Variants in MBP observed in about 807,000 individuals in gnomAD.
The protein encoded by MBP is myelin basic protein, also known as Golli-MBP.
MBP carries 16 observed loss-of-function variants against 35.8 expected under a neutral mutation model. The observed-to-expected ratio is 0.45, with a 90% confidence interval of 0.30 to 0.68. The LOEUF (loss-of-function observed/expected upper bound fraction) is 0.68. Ranked by LOEUF, MBP falls within the 30% of genes least tolerant of loss-of-function variation. The probability of loss-of-function intolerance (pLI) is 0.08; values close to 1 mark genes in which losing one functional copy is unlikely to be tolerated. For missense variants in MBP, 380 were observed against 404.7 expected, an observed-to-expected ratio of 0.94 and a Z score of 0.52; for synonymous variants, 143 against 159.6, an observed-to-expected ratio of 0.90 and a Z score of 0.78.
chr18:77,064,210 A>G (rs2144790049), intron 3 of MBP, among the ~76,000 whole-genome samples: 2 of 152,356 alleles, frequency 1.3e-5, no homozygotes, highest in Middle Eastern at 6.8e-3. Context: ...TCTTAAAACC[A>G]TCAAGGCTGG....
chr18:77,029,533 C>G (rs1396525887), intron 3 of MBP, among the ~76,000 whole-genome samples: 1 of 151,830 alleles, frequency 6.6e-6, no homozygotes, highest in Non-Finnish European at 1.5e-5. Flanking sequence ...CCAGACTTGT[C>G]TCAAACTCCA....
intron 3 of MBP, among the ~76,000 whole-genome samples, chr18:77,018,292 T>TCATC: frequency 1.3e-5 from 1 of 75,002 alleles, no homozygotes; most frequent in South Asian, 5.1e-4. Context: ...ATCCATCCAC[T>TCATC]CATGCATCCA....
At chr18:77,072,570 A>G (rs1027797028) in intron 2 of MBP, among the ~76,000 whole-genome samples, 1 of 152,260 alleles carries the variant, frequency 6.6e-6, no homozygotes, top group Admixed American at 6.5e-5. Context: ...AGAGCATTCA[A>G]TAAGTGGAAA....
chr18:77,118,169 T>G (rs1452471961), intron 1 of MBP, among the ~76,000 whole-genome samples: 67 of 38,092 alleles, frequency 1.8e-3, no homozygotes, highest in African/African-American at 7.4e-3. Flanking sequence ...ATGGGGACAG[T>G]GGGTTGGGGT....
chr18:77,112,133 G>A (rs904233521), intron 1 of MBP, among the ~76,000 whole-genome samples: 5 of 149,628 alleles, frequency 3.3e-5, no homozygotes, highest in African/African-American at 9.9e-5. Context: ...AGCTACCAAC[G>A]TCACCAAAAA....
chr18:77,086,256 C>T (rs191277556), intron 2 of MBP, among the ~76,000 whole-genome samples: 84 of 152,336 alleles, frequency 5.5e-4, no homozygotes, highest in Admixed American at 1.8e-3. Context: ...TGTTCCTACC[C>T]ATTCAAGAGC....
chr18:77,100,816 G>A (rs1975978041), intron 2 of MBP, among the ~76,000 whole-genome samples: 1 of 152,080 alleles, frequency 6.6e-6, no homozygotes, highest in South Asian at 2.1e-4. Flanking sequence ...GCCTCCCGCA[G>A]TGCTGGGATT....
At chr18:77,099,531 T>C (rs1479544734) in intron 2 of MBP, among the ~76,000 whole-genome samples, 3 of 152,254 alleles carry the variant, frequency 2.0e-5, no homozygotes, top group African/African-American at 7.2e-5. Flanking sequence ...TCATTTCCTG[T>C]GGCCACGAGA....
At position 76,988,657 on chromosome 18, in the gene MBP, G is replaced by A; in HGVS notation, c.718-130C>T. ...AAACAGGTTCCACCCGGAGCTCCGA[G>A]GGGGGCCGCAGGCTCAGGGCCACAG... On this transcript the variant is annotated intron_variant, in intron 6 of 8. Coordinates refer to ENST00000355994, the MANE Select transcript of MBP (RefSeq NM_001025101.2). This position sits in a 1 kb window ranked among gnomAD's most constrained non-coding sequence, Gnocchi z 5.2. 6.7e-7 allele frequency: 1 copy of A among 1,495,170 alleles called. No homozygotes were observed. The highest frequency in any genetic ancestry group is 8.9e-7 in the Non-Finnish European group (1 of 1,121,616). The allele number at this position is 1,495,170 out of a possible 1,614,324, so 92.6% of individuals were successfully genotyped here. A position where few individuals can be genotyped will look rare whatever the true frequency, so the allele number is the denominator to read the frequency against.
At chr18:77,121,431 C>A (rs1471671667) in intron 1 of MBP, among the ~76,000 whole-genome samples, 3 of 152,124 alleles carry the variant, frequency 2.0e-5, no homozygotes, top group African/African-American at 7.2e-5. Context: ...AGGCTTTAAC[C>A]CTGGCATTTC....
In MBP at chr18:77,101,223, G is replaced by A. The variant is rs1020701091; in HGVS notation, c.51+3988C>T. Among the ~76,000 whole-genome samples, 1 of 152,214 alleles carries A rather than the reference G, an allele frequency of 6.6e-6. No individual in the cohort carries two copies. Among genetic ancestry groups the A allele is most frequent in the African/African-American group, 2.4e-5 (1 of 41,448 alleles). ...TCCTGGCATTGAGGCACGTCCCTGG[G>A]TTCTCCAGGGCAGCTGGCACCCTTT... is the stretch of plus-strand genomic sequence containing the variant. On this transcript the variant is annotated intron_variant, in intron 2 of 8. Coordinates refer to ENST00000355994, the MANE Select transcript of MBP (RefSeq NM_001025101.2). The surrounding 1 kb of genome is among the most constrained non-coding windows in gnomAD (Gnocchi z 4.3).
At position 77,081,861 on chromosome 18, in the gene MBP, T is replaced by A. The variant is rs1476877499; in HGVS notation, c.52-15476A>T. On this transcript the variant is annotated intron_variant, in intron 2 of 8. Transcript: ENST00000355994. ...ACACACATATATATATATATATTTT[T>A]TTTTTTTTGAGACGGAGTCTCGCTC... Among the ~76,000 whole-genome samples, 244 of 13,374 alleles carry A rather than the reference T, an allele frequency of 0.018. 1 individual carries two copies. The East Asian group carries it at 0.27, about 15-fold the overall frequency. The allele number at this position is 13,374 out of a possible 152,430, so 8.8% of individuals were successfully genotyped here.
At chr18:77,009,617 C>T (rs142422564) in intron 4 of MBP, among the ~76,000 whole-genome samples, 27 of 152,352 alleles carry the variant, frequency 1.8e-4, no homozygotes, top group African/African-American at 5.8e-4. Context: ...GGATTCCCTC[C>T]AAGGATTCAA....
chr18:77,107,314 C>T (rs1976310578), intron 1 of MBP, among the ~76,000 whole-genome samples: 1 of 152,186 alleles, frequency 6.6e-6, no homozygotes, highest in African/African-American at 2.4e-5. Flanking sequence ...CGGCTGTGTT[C>T]TCCAAGTGCC....
intron 2 of MBP, among the ~76,000 whole-genome samples, chr18:77,080,040 A>G (rs1273638182): frequency 6.6e-6 from 1 of 152,246 alleles, no homozygotes. Flanking sequence ...GATAAACTGT[A>G]TTTGAAATCC....
chr18:77,086,652 G>C (rs560912869), intron 2 of MBP, among the ~76,000 whole-genome samples: 10 of 152,260 alleles, frequency 6.6e-5, no homozygotes, highest in African/African-American at 2.4e-4. Flanking sequence ...TAAGCGCTAA[G>C]GGAATTATGA....
At chr18:77,040,825 T>C (rs1323366480) in intron 3 of MBP, among the ~76,000 whole-genome samples, 3 of 152,172 alleles carry the variant, frequency 2.0e-5, no homozygotes, top group Admixed American at 2.0e-4. Context: ...AACCATAAAA[T>C]TCCTAGAAGA....
At chr18:77,040,284 TACAA>T (rs1341239567) in intron 3 of MBP, among the ~76,000 whole-genome samples, 1 of 152,278 alleles carries the variant, frequency 6.6e-6, no homozygotes, top group African/African-American at 2.4e-5. Context: ...TAAAAGAGGA[TACAA>T]ACAAATGGAA....
chr18:77,016,355 T>C (rs1235649945), intron 4 of MBP: 2 of 989,156 alleles, frequency 2.0e-6, no homozygotes, highest in African/African-American at 3.5e-5. Flanking sequence ...TGTTCAAAAG[T>C]CTTCCTCGAC....
Sources: gnomAD v4.1 joint callset for allele counts (sites outside exome capture counted in the v4.1 genomes callset) on GRCh38, gnomAD v4.1.1 for gene constraint, Gnocchi (gnomAD v3.1) non-coding constraint, MANE v1.5 for transcripts, NCBI Gene and HGNC (gene_info 2026-07-23, HGNC 2026-07-21) for gene names.